The following TAFA5 variants were observed in gnomAD, a reference collection of about 807,000 sequenced individuals.
TAFA5 encodes the protein chemokine-like protein TAFA-5.
TAFA5 carries 6 observed loss-of-function variants against 15.3 expected under a neutral mutation model. The observed-to-expected ratio is 0.39, with a 90% CI of 0.21 to 0.77. The LOEUF (loss-of-function observed/expected upper bound fraction) is 0.77, where lower values mean the gene tolerates loss of function less well. TAFA5 is among the 30% of genes least tolerant of loss of function. TAFA5 has a pLI of 0.41. For missense variants in TAFA5, 161 were observed against 193.1 expected, an observed-to-expected ratio of 0.83 and a Z score of 0.98; for synonymous variants, 103 against 80.7, an observed-to-expected ratio of 1.28 and a Z score of -1.48.
chr22:48,608,959 T>C (rs1925299222), intron 1 of TAFA5, among the ~76,000 whole-genome samples: 1 of 152,244 alleles, frequency 6.6e-6, no homozygotes, highest in Non-Finnish European at 1.5e-5. Flanking sequence ...AACTGGACAT[T>C]GGACATTCCT....
chr22:48,709,281 G>A (rs1185363862), intron 3 of TAFA5, among the ~76,000 whole-genome samples: 5 of 152,288 alleles, frequency 3.3e-5, no homozygotes, highest in Admixed American at 6.5e-5. Context: ...GTCAGGGTTT[G>A]TTTATCTGGC....
intron 1 of TAFA5, among the ~76,000 whole-genome samples, chr22:48,503,852 TG>T: frequency 6.6e-6 from 1 of 152,178 alleles, no homozygotes; most frequent in East Asian, 1.9e-4. Flanking sequence ...AGGTGGCTTT[TG>T]TCTGTTACAC....
chr22:48,606,263 A>G (rs1415843764), intron 1 of TAFA5, among the ~76,000 whole-genome samples: 4 of 152,220 alleles, frequency 2.6e-5, no homozygotes, highest in East Asian at 3.9e-4. Flanking sequence ...AGCTCAAGGC[A>G]TGCTCCCTCT....
chr22:48,556,175 G>C (rs934659419), intron 1 of TAFA5, among the ~76,000 whole-genome samples: 1 of 152,200 alleles, frequency 6.6e-6, no homozygotes, highest in African/African-American at 2.4e-5. Flanking sequence ...AGGCAGAGGA[G>C]AAGAATTTGT....
chr22:48,580,096 G>A (rs534720567), intron 1 of TAFA5, among the ~76,000 whole-genome samples: 14 of 152,322 alleles, frequency 9.2e-5, no homozygotes, highest in African/African-American at 3.4e-4. Context: ...TTCCAGAAGC[G>A]CTTTCAGAAC....
intron 2 of TAFA5, among the ~76,000 whole-genome samples, chr22:48,678,272 C>G (rs1439578470): frequency 1.3e-5 from 2 of 152,214 alleles, no homozygotes. Context: ...CCCGCCGGCT[C>G]TGTGCAGCTG....
rs373096470 is a variant in TAFA5, at chr22:48,544,838, C to G, written c.112+55134C>G. The G allele has an allele frequency of 1.4e-3, 649 of 471,252 alleles. 8 individuals carry two copies. Among genetic ancestry groups the G allele is most frequent in the South Asian group, 8.9e-3 (572 of 64,574 alleles). The allele number at this position is 471,252 out of a possible 1,614,324, so 29.2% of individuals were successfully genotyped here. On this transcript the variant is annotated intron_variant, in intron 1 of 3. Coordinates refer to ENST00000402357, the MANE Select transcript of TAFA5 (RefSeq NM_001082967.3). Reference sequence around the variant, plus strand: ...GGTGTGGCCTGGGGTCCCACGCTGCCTCTGAGGTGAGAGAGCCCTGAGGGA... The same window carrying G: ...GGTGTGGCCTGGGGTCCCACGCTGCGTCTGAGGTGAGAGAGCCCTGAGGGA...
At chr22:48,665,395 C>T (rs1362676877) in intron 2 of TAFA5, among the ~76,000 whole-genome samples, 44 of 152,108 alleles carry the variant, frequency 2.9e-4, no homozygotes, top group Admixed American at 2.6e-3. Context: ...TTAGCTAAGT[C>T]GAATTGATTC....
chr22:48,595,737 G>A (rs576625620), intron 1 of TAFA5, among the ~76,000 whole-genome samples: 3 of 152,342 alleles, frequency 2.0e-5, no homozygotes, highest in Non-Finnish European at 4.4e-5. Context: ...TGTTTAATTC[G>A]TGTCTACACA....
intron 3 of TAFA5, among the ~76,000 whole-genome samples, chr22:48,746,649 T>C (rs1180791358): frequency 6.6e-6 from 1 of 152,172 alleles, no homozygotes; most frequent in Admixed American, 6.5e-5. Context: ...AGATAGTAAT[T>C]GCTGCTGCAG....
chr22:48,554,917 G>T lies in TAFA5; in HGVS notation c.112+65213G>T, dbSNP rs369146094. 4.3e-4 allele frequency among the ~76,000 whole-genome samples: 66 copies of T among 152,332 alleles called. No homozygotes were observed. In the Middle Eastern group the frequency reaches 0.01, roughly 24 times the overall value. Reference sequence around the variant, plus strand: ...TCTCCCCATAGTGGTCCTGAGAGGGGGTCCTACGAGCCTCTTCAAGCTGTG... The same window carrying T: ...TCTCCCCATAGTGGTCCTGAGAGGGTGTCCTACGAGCCTCTTCAAGCTGTG... On this transcript the variant is annotated intron_variant, in intron 1 of 3. Coordinates refer to ENST00000402357, the MANE Select transcript of TAFA5 (RefSeq NM_001082967.3).
chr22:48,746,503 A>T (rs1930331820), intron 3 of TAFA5, among the ~76,000 whole-genome samples: 2 of 152,140 alleles, frequency 1.3e-5, no homozygotes, highest in Admixed American at 1.3e-4. Context: ...TGTTAAAGAA[A>T]AAAAAGAGAG....
At chr22:48,745,880 C>G (rs373238519) in intron 3 of TAFA5, among the ~76,000 whole-genome samples, 2 of 152,188 alleles carry the variant, frequency 1.3e-5, no homozygotes, top group South Asian at 2.1e-4. Flanking sequence ...TGAGAGGCCT[C>G]GCTTCACCAC....
chr22:48,504,866 G>A (rs1371399918), intron 1 of TAFA5, among the ~76,000 whole-genome samples: 11 of 152,180 alleles, frequency 7.2e-5, no homozygotes, highest in Non-Finnish European at 1.6e-4. Context: ...TGGGGCAGAG[G>A]GGCTGCAGGG....
At chr22:48,686,640 A>ATGGC (rs1476844245) in intron 2 of TAFA5, among the ~76,000 whole-genome samples, 2 of 152,212 alleles carry the variant, frequency 1.3e-5, no homozygotes, top group African/African-American at 4.8e-5. Context: ...GGATGGATGG[A>ATGGC]TGGACAGGTG....
At chr22:48,712,452 A>G (rs1312138386) in intron 3 of TAFA5, among the ~76,000 whole-genome samples, 1 of 152,224 alleles carries the variant, frequency 6.6e-6, no homozygotes, top group African/African-American at 2.4e-5. Context: ...GGAGGAAGGA[A>G]TAGAGTGAAA....
intron 2 of TAFA5, among the ~76,000 whole-genome samples, chr22:48,678,358 C>T (rs966325103): frequency 6.6e-6 from 1 of 152,226 alleles, no homozygotes; most frequent in Non-Finnish European, 1.5e-5. Flanking sequence ...GAGCCACCCT[C>T]GGAGAACTGA....
At chr22:48,595,003 C>T (rs925848626) in intron 1 of TAFA5, among the ~76,000 whole-genome samples, 4 of 152,102 alleles carry the variant, frequency 2.6e-5, no homozygotes, top group African/African-American at 4.8e-5. Context: ...CCTGTCCACA[C>T]GGGGCACATA....
intron 3 of TAFA5, among the ~76,000 whole-genome samples, chr22:48,738,765 A>C (rs948940069): frequency 6.6e-6 from 1 of 152,192 alleles, no homozygotes; most frequent in Non-Finnish European, 1.5e-5. Context: ...GTCAGCCCTC[A>C]GGAGCTCCGT....
Sources: allele counts gnomAD v4.1 joint callset (sites outside exome capture counted in the v4.1 genomes callset), GRCh38; gene constraint gnomAD v4.1.1; transcripts MANE v1.5; gene names NCBI Gene and HGNC (gene_info 2026-07-23, HGNC 2026-07-21).